Variants in VEGFC observed in about 807,000 individuals in gnomAD.
VEGFC encodes vascular endothelial growth factor C.
In VEGFC, 12 loss-of-function variants were observed where a neutral mutation model predicts 46.1. The observed-to-expected ratio is 0.26, with a 90% confidence interval of 0.17 to 0.42. The LOEUF is 0.42. VEGFC is among the 10% of genes least tolerant of loss of function. The pLI is 1.00. For synonymous variants in VEGFC, 232 were observed against 195.5 expected, an observed-to-expected ratio of 1.19 and a Z score of -1.56; for missense variants, 488 against 529.4, an observed-to-expected ratio of 0.92 and a Z score of 0.77.
chr4:176,774,433 G>A (rs76724375), intron 1 of VEGFC, among the ~76,000 whole-genome samples: 1,717 of 152,202 alleles, frequency 0.011, 39 homozygotes, highest in African/African-American at 0.038. Flanking sequence ...ACTTCTGCTC[G>A]TCACTCAGCC....
chr4:176,728,892 A>G (rs1173969613), intron 2 of VEGFC, among the ~76,000 whole-genome samples: 1 of 152,118 alleles, frequency 6.6e-6, no homozygotes, highest in Admixed American at 6.6e-5. Flanking sequence ...AATAGAGATG[A>G]GGTCTTGCTG....
chr4:176,736,070 A>C (rs1735048078), intron 1 of VEGFC, among the ~76,000 whole-genome samples: 1 of 151,762 alleles, frequency 6.6e-6, no homozygotes, highest in South Asian at 2.1e-4. Flanking sequence ...CACCTCGAAG[A>C]CCCACCTCCT....
chr4:176,790,240 C>T (rs539310034), intron 1 of VEGFC, among the ~76,000 whole-genome samples: 2 of 152,214 alleles, frequency 1.3e-5, no homozygotes, highest in South Asian at 4.1e-4. Context: ...GCTTTGTGGT[C>T]TATGGAACTC....
chr4:176,684,002 C>T lies in VEGFC; in HGVS notation c.1184G>A (p.Cys395Tyr). The stretch of plus-strand genomic sequence containing the variant: ...TTCACTATATGAAAATCCTGGCTCA[C>T]AAGCCTTCTGGCGGTTCGTACATGG... ...RRPCTNRQKA[C>Y]EPGFSYSEEV... The change falls in exon 7 of 7, where the codon TGT becomes TAT. Residue 395 changes from cysteine to tyrosine, a missense_variant. Physicochemically the swap from Cys to Tyr is radical, Grantham distance 194 (BLOSUM62 -2). Coordinates refer to ENST00000618562, the MANE Select transcript of VEGFC (RefSeq NM_005429.5). 1 of 1,614,210 alleles carries T rather than the reference C, an allele frequency of 6.2e-7. No homozygotes were observed. The highest frequency in any genetic ancestry group is 8.5e-7 in the Non-Finnish European group (1 of 1,180,028).
chr4:176,727,940 T>C lies in VEGFC; in HGVS notation c.390A>G (p.Gln130=), dbSNP rs1734900103. The change falls in exon 3 of 7, where the codon CAA becomes CAG. Residue 130 remains glutamine (Q), a synonymous_variant. Coordinates refer to ENST00000618562, the MANE Select transcript of VEGFC (RefSeq NM_005429.5). The part of the protein sequence containing the change: ...KSIDNEWRKT[Q]CMPREVCIDV... ...CTATACACACCTCCCGTGGCATGCA[T>C]TGAGTCTTTCTCCACTCATTATCAA... 6.2e-7 allele frequency: 1 copy of C among 1,612,462 alleles called. No individual in the cohort carries two copies. The highest frequency in any genetic ancestry group is 2.2e-5 in the East Asian group (1 of 44,846).
chr4:176,762,579 C>T (rs1735548690), intron 1 of VEGFC, among the ~76,000 whole-genome samples: 1 of 152,198 alleles, frequency 6.6e-6, no homozygotes, highest in Non-Finnish European at 1.5e-5. Context: ...CAGCACAAAT[C>T]AGACTTAAGA....
intron 1 of VEGFC, among the ~76,000 whole-genome samples, chr4:176,769,579 C>T (rs775921269): frequency 6.6e-6 from 1 of 152,196 alleles, no homozygotes; most frequent in Middle Eastern, 3.4e-3. Context: ...ATCTGTGGGG[C>T]CTTTGGTCAC....
At chr4:176,784,593 TA>T (rs1460077444) in intron 1 of VEGFC, among the ~76,000 whole-genome samples, 3 of 148,878 alleles carry the variant, frequency 2.0e-5, no homozygotes, top group Admixed American at 6.6e-5. Flanking sequence ...TAAAAAAATA[TA>T]AAAAAAAAAT....
chr4:176,740,242 AATAT>A (rs1326477604), intron 1 of VEGFC, among the ~76,000 whole-genome samples: 3 of 117,404 alleles, frequency 2.6e-5, no homozygotes, highest in African/African-American at 3.5e-5. Context: ...CTATATATAG[AATAT>A]ATATATAGAA....
intron 1 of VEGFC, among the ~76,000 whole-genome samples, chr4:176,736,842 A>G (rs1274369365): frequency 6.6e-6 from 1 of 151,618 alleles, no homozygotes; most frequent in Non-Finnish European, 1.5e-5. Flanking sequence ...ATTAAAAACA[A>G]TTCTTGGCTA....
rs762255438 is a variant in VEGFC, at chr4:176,729,526, T to A, written c.361+7A>T. The A allele has an allele frequency of 6.2e-7, 1 of 1,609,346 alleles. No individual in the cohort carries two copies. Among genetic ancestry groups the A allele is most frequent in the Non-Finnish European group, 8.5e-7 (1 of 1,178,396 alleles). On this transcript the variant is annotated splice_region_variant and intron_variant, in intron 2 of 6. Coordinates refer to ENST00000618562, the MANE Select transcript of VEGFC (RefSeq NM_005429.5). ...GGCTTACTATACATTTTATTTCCCA[T>A]ACTTACTTTTCAAGATCTCTGTATT...
chr4:176,755,764 G>A (rs1044767092), intron 1 of VEGFC, among the ~76,000 whole-genome samples: 10 of 151,998 alleles, frequency 6.6e-5, no homozygotes, highest in Middle Eastern at 3.4e-3. Context: ...CAACCCATAC[G>A]TTAATTTCTC....
At chr4:176,702,570 A>G (rs1448356900) in intron 4 of VEGFC, among the ~76,000 whole-genome samples, 1 of 152,146 alleles carries the variant, frequency 6.6e-6, no homozygotes, top group Admixed American at 6.5e-5. Context: ...TTAGAATCAC[A>G]GTATTGTGTT....
intron 4 of VEGFC, among the ~76,000 whole-genome samples, chr4:176,691,307 G>A (rs1197651546): frequency 6.6e-6 from 1 of 152,076 alleles, no homozygotes; most frequent in Non-Finnish European, 1.5e-5. Context: ...TACTTTAAAG[G>A]TTTATAATTA....
chr4:176,713,972 G>C (rs1466253483), intron 3 of VEGFC, among the ~76,000 whole-genome samples: 2 of 152,168 alleles, frequency 1.3e-5, no homozygotes, highest in Non-Finnish European at 2.9e-5. Context: ...GCAGGGCAGG[G>C]GCTGTAGGAA....
At chr4:176,762,044 A>G (rs1443299735) in intron 1 of VEGFC, among the ~76,000 whole-genome samples, 1 of 152,182 alleles carries the variant, frequency 6.6e-6, no homozygotes, top group Admixed American at 6.5e-5. Flanking sequence ...TTCACCCCAT[A>G]CCTATGACTG....
At chr4:176,735,480 G>T (rs1735038833) in intron 1 of VEGFC, among the ~76,000 whole-genome samples, 1 of 151,804 alleles carries the variant, frequency 6.6e-6, no homozygotes, top group Non-Finnish European at 1.5e-5. Flanking sequence ...AAAAGAAGAA[G>T]ACAAAAAAAT....
chr4:176,790,058 G>A (rs1392008804), intron 1 of VEGFC, among the ~76,000 whole-genome samples: 1 of 152,162 alleles, frequency 6.6e-6, no homozygotes. Context: ...TGTGGTGCTT[G>A]TACAGGCCAC....
At chr4:176,790,435 T>C (rs1736070849) in intron 1 of VEGFC, among the ~76,000 whole-genome samples, 2 of 152,100 alleles carry the variant, frequency 1.3e-5, no homozygotes, top group South Asian at 4.1e-4. Context: ...ATATCACCAA[T>C]GGCAAATTTT....
Sources: gnomAD v4.1 joint callset for allele counts (sites outside exome capture counted in the v4.1 genomes callset) on GRCh38, gnomAD v4.1.1 for gene constraint, MANE v1.5 for transcripts, NCBI Gene and HGNC (gene_info 2026-07-23, HGNC 2026-07-21) for gene names.